The following BBOF1 variants were observed in gnomAD, a reference collection of about 807,000 sequenced individuals.
BBOF1 encodes the protein basal body-orientation factor 1.
BBOF1 carries 62 observed loss-of-function variants against 68.0 expected under a neutral mutation model. The ratio of observed to expected loss-of-function variants is 0.91; its 90% CI spans 0.74 to 1.13. The LOEUF is 1.13. BBOF1 is among the 50% of genes most tolerant of loss of function. The pLI is 0.00. For synonymous variants in BBOF1, 208 were observed against 198.8 expected (o/e 1.05, Z -0.39); for missense variants, 534 against 600.1 (o/e 0.89, Z 1.15).
chr14:74,022,875 TATAA>T lies in BBOF1; in HGVS notation c.57-37_57-34del, dbSNP rs754256048. 11 of 1,115,896 alleles carry T rather than the reference TATAA, an allele frequency of 9.9e-6. No homozygotes were observed. In the South Asian group the frequency reaches 1.6e-4, roughly 16 times the overall value. The allele number at this position is 1,115,896 out of a possible 1,614,324, so 69.1% of individuals were successfully genotyped here. A position where few individuals can be genotyped will look rare whatever the true frequency, so the allele number is the denominator to read the frequency against. ...ATATACTATCTGCATATTAGAGTTG[TATAA>T]ATAGTCATATACTGTCAATATCCTC... On this transcript the variant is annotated intron_variant, in intron 1 of 11. Coordinates refer to ENST00000394009, the MANE Select transcript of BBOF1 (RefSeq NM_025057.3).
At chr14:74,064,383 A>T (rs1465860785) in intron 11 of BBOF1, among the ~76,000 whole-genome samples, 1 of 152,162 alleles carries the variant, frequency 6.6e-6, no homozygotes, top group Non-Finnish European at 1.5e-5. Flanking sequence ...TAAATGAATA[A>T]CTATTACAGA....
chr14:74,028,238 G>A (rs565423354), intron 2 of BBOF1, among the ~76,000 whole-genome samples: 5 of 152,056 alleles, frequency 3.3e-5, no homozygotes, highest in Admixed American at 1.3e-4. Context: ...GTGTGGTGGC[G>A]CATGCCTATA....
intron 5 of BBOF1, 27 bp from the exon 6 acceptor site, chr14:74,046,033 A>G: frequency 6.3e-7 from 1 of 1,578,662 alleles, no homozygotes; most frequent in Non-Finnish European, 8.6e-7. Flanking sequence ...GGGCATAATT[A>G]TTTAAGCAGC....
At position 74,065,456 on chromosome 14, in the gene BBOF1, G is replaced by T. The variant is rs914079061; in HGVS notation, c.*757G>T. On this transcript the variant is annotated 3_prime_UTR_variant, in exon 12 of 12. Transcript: ENST00000394009. The stretch of plus-strand genomic sequence containing the variant: ...CTTTCACTTACTACACATCATTTAC[G>T]TGGACAACTTTCATATTACTAATCT... 13 of 1,117,800 alleles carry T rather than the reference G, an allele frequency of 1.2e-5. No homozygotes were observed. The South Asian group carries it at 1.5e-4, about 12-fold the overall frequency. The allele number at this position is 1,117,800 out of a possible 1,614,324, so 69.2% of individuals were successfully genotyped here. A position where few individuals can be genotyped will look rare whatever the true frequency, so the allele number is the denominator to read the frequency against.
chr14:74,040,135 G>C (rs1304106164), intron 4 of BBOF1, among the ~76,000 whole-genome samples: 2 of 152,038 alleles, frequency 1.3e-5, no homozygotes, highest in Non-Finnish European at 2.9e-5. Flanking sequence ...TGGAACTACA[G>C]GTGTGCACCA....
At position 74,019,511 on chromosome 14, in the gene BBOF1, C is replaced by A; in HGVS notation, c.33C>A (p.Gly11=). 1 of 1,604,796 alleles carries A rather than the reference C, an allele frequency of 6.2e-7. No homozygotes were observed. The change falls in exon 1 of 12, where the codon GGC becomes GGA. Residue 11 remains glycine (G), a synonymous_variant. Coordinates refer to ENST00000394009, the MANE Select transcript of BBOF1 (RefSeq NM_025057.3). ...CGAAGGGAAAGGACAAAAAGAAAGG[C>A]AAGAGCAAAGGCAAAGACACGAAGT... MPSKGKDKKK[G]KSKGKDTKKL...
At chr14:74,043,973 C>T (rs968914508) in intron 5 of BBOF1, among the ~76,000 whole-genome samples, 6 of 151,668 alleles carry the variant, frequency 4.0e-5, no homozygotes, top group East Asian at 2.0e-4. Context: ...AGGCTGGGCA[C>T]GGTGGCTCAC....
chr14:74,035,736 A>G (rs1276732190), intron 4 of BBOF1, among the ~76,000 whole-genome samples: 3 of 151,482 alleles, frequency 2.0e-5, no homozygotes, highest in Admixed American at 6.6e-5. Flanking sequence ...CTCAGCCCAT[A>G]TGGGCCCTTT....
At chr14:74,029,458 G>A (rs59724208) in intron 3 of BBOF1, among the ~76,000 whole-genome samples, 2,262 of 152,194 alleles carry the variant, frequency 0.015, 53 homozygotes, top group African/African-American at 0.051. Context: ...TGAGGCGGCG[G>A]ATCACCTGAG....
intron 10 of BBOF1, among the ~76,000 whole-genome samples, chr14:74,078,608 A>G (rs2060637876): frequency 6.6e-6 from 1 of 151,840 alleles, no homozygotes; most frequent in Non-Finnish European, 1.5e-5. Context: ...GCTCACTGCA[A>G]CCTCCACCTC....
rs369414700 is a variant in BBOF1, at chr14:74,062,051, G to GAAAA, written c.1579-2611_1579-2608dup. ...CATGGCGAAACCTCGTCTCTACTGG[G>GAAAA]AAAAAAAAAAAAAAAAAAAAAAAAA... is the stretch of plus-strand genomic sequence containing the variant. On this transcript the variant is annotated intron_variant, in intron 11 of 11. Transcript: ENST00000394009. 1.9e-3 allele frequency among the ~76,000 whole-genome samples: 115 copies of GAAAA among 59,606 alleles called. 1 individual carries two copies. Among genetic ancestry groups the GAAAA allele is most frequent in the African/African-American group, 6.4e-3 (108 of 16,964 alleles). 39.1% of individuals were successfully genotyped at this position (59,606 alleles called of 152,430 possible).
At chr14:74,021,345 G>A (rs998366342) in intron 1 of BBOF1, among the ~76,000 whole-genome samples, 3 of 152,104 alleles carry the variant, frequency 2.0e-5, no homozygotes, top group Admixed American at 6.6e-5. Flanking sequence ...AGCACTTTGG[G>A]AGGCTGAGCA....
intron 5 of BBOF1, among the ~76,000 whole-genome samples, chr14:74,043,402 T>C (rs1199263664): frequency 6.9e-6 from 1 of 145,574 alleles, no homozygotes; most frequent in Non-Finnish European, 1.5e-5. Context: ...TACAAAAAAT[T>C]AGCCGGGCGC....
intron 1 of BBOF1, among the ~76,000 whole-genome samples, chr14:74,020,831 C>G (rs1453720903): frequency 6.6e-6 from 1 of 152,164 alleles, no homozygotes; most frequent in Non-Finnish European, 1.5e-5. Context: ...CCACTCAGAC[C>G]TGATACCTGG....
At chr14:74,041,756 G>A (rs111349322) in intron 5 of BBOF1, among the ~76,000 whole-genome samples, 3,493 of 152,194 alleles carry the variant, frequency 0.023, 139 homozygotes, top group African/African-American at 0.08. Context: ...GTCTTGCTGG[G>A]CCTGGTGTGG....
intron 9 of BBOF1, chr14:74,071,997 G>A (rs749438189): frequency 1.2e-6 from 2 of 1,608,998 alleles, no homozygotes; most frequent in Admixed American, 1.7e-5. Flanking sequence ...CACACAAATA[G>A]AAATTAATGC....
At chr14:74,027,382 C>T (rs906687321) in intron 2 of BBOF1, among the ~76,000 whole-genome samples, 14 of 134,110 alleles carry the variant, frequency 1.0e-4, no homozygotes, top group Admixed American at 4.7e-4. Flanking sequence ...CCACCTCGCC[C>T]AGCTTTTTTT....
chr14:74,078,758 AC>A (rs2060640175), intron 10 of BBOF1, among the ~76,000 whole-genome samples: 1 of 151,366 alleles, frequency 6.6e-6, no homozygotes, highest in Non-Finnish European at 1.5e-5. Context: ...CAAACTCCTG[AC>A]CTCAAGTGAT....
intron 2 of BBOF1, among the ~76,000 whole-genome samples, chr14:74,028,841 TG>T (rs1157968736): frequency 6.6e-6 from 1 of 152,030 alleles, no homozygotes; most frequent in Non-Finnish European, 1.5e-5. Flanking sequence ...CCTGAGTAGC[TG>T]GGATTACAGG....
Sources: gnomAD v4.1 joint callset for allele counts (sites outside exome capture counted in the v4.1 genomes callset) on GRCh38, gnomAD v4.1.1 for gene constraint, MANE v1.5 for transcripts, NCBI Gene and HGNC (gene_info 2026-07-23, HGNC 2026-07-21) for gene names.